FAM186A: variants seen among roughly 807,000 people sequenced by gnomAD.
The protein encoded by FAM186A is protein FAM186A.
Under a neutral mutation model 216.8 loss-of-function variants are expected in FAM186A, and 163 were observed. That is an observed-to-expected ratio of 0.75 (90% CI 0.66 to 0.86). FAM186A has a LOEUF of 0.86. FAM186A is among the 40% of genes least tolerant of loss of function. FAM186A has a pLI of 0.00. For synonymous variants in FAM186A, 805 were observed against 1,025.3 expected (o/e 0.79, Z 4.10); for missense variants, 2,184 against 2,746.2 (o/e 0.80, Z 4.58).
In FAM186A at chr12:50,364,145, C is replaced by T. The variant is rs150547634; in HGVS notation, c.193-781G>A. Among the ~76,000 whole-genome samples, 9 of 152,248 alleles carry T rather than the reference C, an allele frequency of 5.9e-5. No individual in the cohort carries two copies. The East Asian group carries it at 1.7e-3, about 29-fold the overall frequency. On this transcript the variant is annotated intron_variant, in intron 1 of 7. Transcript: ENST00000327337. ...CCCTACAGTGCAGTGGACAGTATCA[C>T]ACAGTGAAGAACTGTCTCAAATCCT...
chr12:50,354,999 A>C lies in FAM186A; in HGVS notation c.1833T>G (p.His611Gln). ...QKGKIKGKKH[H>Q]ISSGTITSKE... ...TGCTTGTGATAGTTCCTGAAGAGAT[A>C]TGGTGTTTCTTTCCTTTTATTTTTC... is the stretch of plus-strand genomic sequence containing the variant. The change falls in exon 4 of 8, where the codon CAT becomes CAG. Residue 611 changes from histidine to glutamine, a missense_variant. His to Gln is a conservative substitution (Grantham distance 24). Coordinates refer to ENST00000327337, the MANE Select transcript of FAM186A (RefSeq NM_001145475.3). 3.2e-6 allele frequency: 5 copies of C among 1,551,460 alleles called. No individual in the cohort carries two copies. Among genetic ancestry groups the C allele is most frequent in the Non-Finnish European group, 4.4e-6 (5 of 1,146,972 alleles).
chr12:50,372,729 C>T (rs558262146), intron 1 of FAM186A, among the ~76,000 whole-genome samples: 80 of 151,156 alleles, frequency 5.3e-4, no homozygotes, highest in African/African-American at 1.8e-3. Flanking sequence ...GGTGAAACCC[C>T]ATCTCTACTA....
intron 1 of FAM186A, among the ~76,000 whole-genome samples, chr12:50,374,050 A>C: frequency 6.6e-6 from 1 of 151,270 alleles, no homozygotes; most frequent in Admixed American, 6.6e-5. Context: ...CTATCGCAAG[A>C]ACAAAAAACC....
At chr12:50,383,798 G>A (rs1344575081) in intron 1 of FAM186A, among the ~76,000 whole-genome samples, 1 of 151,762 alleles carries the variant, frequency 6.6e-6, no homozygotes, top group Non-Finnish European at 1.5e-5. Flanking sequence ...GCCCAGAGCA[G>A]CACATATAAA....
Position 50,346,262 on chromosome 12 carries a change from A to AAAGAAAGAAAGAAAGAAAGT in FAM186A, c.6503+4066_6503+4067insACTTTCTTTCTTTCTTTCTT, listed in dbSNP as rs1436973309. 1.5e-4 allele frequency among the ~76,000 whole-genome samples: 23 copies of AAAGAAAGAAAGAAAGAAAGT among 150,902 alleles called. No homozygotes were observed. The East Asian group carries it at 3.0e-3, about 19-fold the overall frequency. ...AAAAGAAAGAAAGAAAGAAAGAAAG[A>AAAGAAAGAAAGAAAGAAAGT]AAGTCATACAGAATGGAATGTAGTG... On this transcript the variant is annotated intron_variant, in intron 4 of 7. Coordinates refer to ENST00000327337, the MANE Select transcript of FAM186A (RefSeq NM_001145475.3).
intron 4 of FAM186A, among the ~76,000 whole-genome samples, chr12:50,348,038 A>ATT (rs71083540): frequency 0.47 from 38,444 of 81,412 alleles, 10,178 homozygotes; most frequent in Non-Finnish European, 0.57. Context: ...ATGCCTGGTA[A>ATT]TTTTTTTTTT....
At chr12:50,331,900 A>G in intron 5 of FAM186A, 79 bp from the exon 6 acceptor site, 1 of 1,243,960 alleles carries the variant, frequency 8.0e-7, no homozygotes, top group Non-Finnish European at 1.1e-6. Context: ...AGCTGGCCCT[A>G]GACTAAACTG....
intron 7 of FAM186A, among the ~76,000 whole-genome samples, chr12:50,327,778 C>T (rs1022636356): frequency 5.9e-5 from 9 of 152,032 alleles, no homozygotes; most frequent in African/African-American, 2.2e-4. Flanking sequence ...CTCTTGAGCT[C>T]AAGCAATCTA....
In FAM186A at chr12:50,356,023, GTAGAAAGGTTTA is replaced by G; in HGVS notation, c.797_808del (p.Val266_Thr270delinsAla). On this transcript the variant is annotated inframe_deletion, in exon 4 of 8. Transcript: ENST00000327337. ...TTCATCATTTAGCATACTCAAAGCT[GTAGAAAGGTTTA>G]CTATTGTTGATGATATATATTTAAT... The G allele has an allele frequency of 6.4e-7, 1 of 1,551,592 alleles. No individual in the cohort carries two copies.
At chr12:50,348,797 C>T (rs1565882434) in intron 4 of FAM186A, among the ~76,000 whole-genome samples, 1 of 152,154 alleles carries the variant, frequency 6.6e-6, no homozygotes, top group Non-Finnish European at 1.5e-5. Flanking sequence ...AACTCGTGAT[C>T]CACCTGCCTC....
At chr12:50,335,174 T>C (rs1031428250) in intron 4 of FAM186A, among the ~76,000 whole-genome samples, 4 of 152,218 alleles carry the variant, frequency 2.6e-5, no homozygotes, top group African/African-American at 9.6e-5. Flanking sequence ...AGAGGCTTGC[T>C]TGAGCCTAGG....
At position 50,350,441 on chromosome 12, in the gene FAM186A, G is replaced by T. The variant is rs755520731; in HGVS notation, c.6391C>A (p.Gln2131Lys). 1 of 1,551,584 alleles carries T rather than the reference G, an allele frequency of 6.4e-7. No homozygotes were observed. Among genetic ancestry groups the T allele is most frequent in the Non-Finnish European group, 8.7e-7 (1 of 1,146,974 alleles). Residue 2131 changes from glutamine to lysine, a missense_variant, in exon 4 of 8, where the codon CAG becomes AAG. Gln to Lys is a moderately conservative substitution (Grantham distance 53). Around this residue, in one of 7 missense-constraint regions of FAM186A, gnomAD observed 721 missense variants for 816.4 expected, o/e 0.88. Coordinates refer to ENST00000327337, the MANE Select transcript of FAM186A (RefSeq NM_001145475.3). ...AGAGTCCTAGCCATTGTGTGTAGCTGTGAAGGGAGTCCACAAGTTTTTATA... is the reference window on the plus strand; with the variant it reads ...AGAGTCCTAGCCATTGTGTGTAGCTTTGAAGGGAGTCCACAAGTTTTTATA... Reference protein sequence around the residue: ...QAIKTCGLPSQLHTMARTLII... With the variant: ...QAIKTCGLPSKLHTMARTLII...
In FAM186A at chr12:50,372,999, GAAAGAAAGAAAGAAAGAAAGAAAGAAA is replaced by G. The variant is rs1943158630; in HGVS notation, c.193-9662_193-9636del. ...CGGAGGGAGGAAGGAAGGAAGGAAT[GAAAGAAAGAAAGAAAGAAAGAAAGAAA>G]GAAAGAAAGAAAGAAAGAAAGAAAG... On this transcript the variant is annotated intron_variant, in intron 1 of 7. Coordinates refer to ENST00000327337, the MANE Select transcript of FAM186A (RefSeq NM_001145475.3). 1.4e-3 allele frequency among the ~76,000 whole-genome samples: 98 copies of G among 70,324 alleles called. No individual in the cohort carries two copies. The Middle Eastern group carries it at 0.026, about 19-fold the overall frequency. The allele number at this position is 70,324 out of a possible 152,430, so 46.1% of individuals were successfully genotyped here. A position where few individuals can be genotyped will look rare whatever the true frequency, so the allele number is the denominator to read the frequency against.
intron 1 of FAM186A, among the ~76,000 whole-genome samples, chr12:50,370,375 A>G (rs1365212045): frequency 6.6e-6 from 1 of 152,108 alleles, no homozygotes; most frequent in East Asian, 1.9e-4. Context: ...AAAGATATAC[A>G]AATGGCCCAA....
At chr12:50,363,647 T>A (rs570442840) in intron 1 of FAM186A, among the ~76,000 whole-genome samples, 59 of 152,018 alleles carry the variant, frequency 3.9e-4, no homozygotes, top group Non-Finnish European at 6.5e-4. Flanking sequence ...TTTTAATAAA[T>A]CACGGCATGT....
At chr12:50,387,440 G>C (rs142713550) in intron 1 of FAM186A, among the ~76,000 whole-genome samples, 1 of 152,256 alleles carries the variant, frequency 6.6e-6, no homozygotes, top group African/African-American at 2.4e-5. Flanking sequence ...TAGGAGTTTA[G>C]GAGTGGAGGT....
chr12:50,370,742 G>C (rs1943135990), intron 1 of FAM186A, among the ~76,000 whole-genome samples: 1 of 152,064 alleles, frequency 6.6e-6, no homozygotes, highest in South Asian at 2.1e-4. Flanking sequence ...AGAGGTAGAA[G>C]TAACCCAAGT....
At chr12:50,391,555 C>T (rs762213037) in intron 1 of FAM186A, among the ~76,000 whole-genome samples, 35 of 151,666 alleles carry the variant, frequency 2.3e-4, no homozygotes, top group Non-Finnish European at 4.3e-4. Context: ...ACCTTGTGAT[C>T]CGCCTGCCTC....
chr12:50,356,979 A>G (rs1942983674), intron 3 of FAM186A, among the ~76,000 whole-genome samples: 1 of 152,094 alleles, frequency 6.6e-6, no homozygotes, highest in Non-Finnish European at 1.5e-5. Context: ...AGCCTGGGTA[A>G]AAGAGTGAGA....
Sources: allele counts gnomAD v4.1 joint callset (sites outside exome capture counted in the v4.1 genomes callset), GRCh38; gene constraint gnomAD v4.1.1; regional missense constraint gnomAD v4.1.1; transcripts MANE v1.5; gene names NCBI Gene and HGNC (gene_info 2026-07-23, HGNC 2026-07-21).